AGBL1: variants seen among roughly 807,000 people sequenced by gnomAD.
AGBL1 encodes cytosolic carboxypeptidase 4.
In AGBL1, 130 loss-of-function variants were observed where a neutral mutation model predicts 118.9. The observed-to-expected ratio is 1.09, with a 90% CI of 0.95 to 1.26. The LOEUF is 1.26. Ranked by LOEUF, AGBL1 falls within the 50% of genes most tolerant of loss-of-function variation. The probability of loss-of-function intolerance (pLI) is 0.00; values close to 1 mark genes in which losing one functional copy is unlikely to be tolerated. For missense variants in AGBL1, 1,584 were observed against 1,298.1 expected (o/e 1.22, Z -3.38); for synonymous variants, 555 against 478.9 (o/e 1.16, Z -2.08).
chr15:86,747,193 T>C (rs1463492673), intron 22 of AGBL1, among the ~76,000 whole-genome samples: 1 of 152,024 alleles, frequency 6.6e-6, no homozygotes, highest in Non-Finnish European at 1.5e-5. Context: ...TAGAAATCCA[T>C]GGCCATGAGA....
At chr15:86,250,030 A>G (rs911137386) in intron 7 of AGBL1, among the ~76,000 whole-genome samples, 22 of 152,182 alleles carry the variant, frequency 1.4e-4, no homozygotes, top group African/African-American at 4.6e-4. Context: ...TGCACTTTAT[A>G]GTGAGGTTTC....
intron 17 of AGBL1, among the ~76,000 whole-genome samples, chr15:86,391,001 C>T (rs1022769133): frequency 6.3e-5 from 9 of 142,736 alleles, no homozygotes; most frequent in African/African-American, 1.6e-4. Context: ...TTCCAGAAAA[C>T]GAAGCACTAT....
At chr15:86,405,708 A>G (rs2081517167) in intron 18 of AGBL1, among the ~76,000 whole-genome samples, 1 of 152,220 alleles carries the variant, frequency 6.6e-6, no homozygotes, top group South Asian at 2.1e-4. Flanking sequence ...TTCTAATTAT[A>G]AAAATGATAC....
At chr15:86,618,672 G>A (rs930767719) in intron 21 of AGBL1, among the ~76,000 whole-genome samples, 2 of 152,186 alleles carry the variant, frequency 1.3e-5, no homozygotes, top group African/African-American at 4.8e-5. Context: ...CTAAACCAGA[G>A]AGTGTGGTAA....
At chr15:86,817,488 ACACAGAG>A (rs1195950284) in intron 22 of AGBL1, among the ~76,000 whole-genome samples, 1 of 149,910 alleles carries the variant, frequency 6.7e-6, no homozygotes, top group African/African-American at 2.5e-5. Flanking sequence ...ACACACACAC[ACACAGAG>A]GAGAGAGAGA....
intron 21 of AGBL1, among the ~76,000 whole-genome samples, chr15:86,600,436 G>T (rs973486473): frequency 6.6e-6 from 1 of 152,064 alleles, no homozygotes; most frequent in Non-Finnish European, 1.5e-5. Flanking sequence ...TATCTTAAAG[G>T]TCTTGCAAAA....
chr15:86,650,405 C>G (rs1454647686), intron 21 of AGBL1, among the ~76,000 whole-genome samples: 1 of 152,098 alleles, frequency 6.6e-6, no homozygotes, highest in Non-Finnish European at 1.5e-5. Context: ...GTCTCTGACA[C>G]TATGGGGGAT....
chr15:87,021,591 A>C (rs547480356), intron 24 of AGBL1, among the ~76,000 whole-genome samples: 1 of 152,314 alleles, frequency 6.6e-6, no homozygotes, highest in Admixed American at 6.5e-5. Flanking sequence ...TTTGCAATCT[A>C]TCCATGTGAC....
chr15:86,805,593 T>C (rs1596498349), intron 22 of AGBL1, among the ~76,000 whole-genome samples: 1 of 152,164 alleles, frequency 6.6e-6, no homozygotes, highest in Admixed American at 6.6e-5. Flanking sequence ...TTTGGAATGA[T>C]TTTTAGCTAT....
chr15:86,358,529 C>A (rs2080756427), intron 17 of AGBL1, among the ~76,000 whole-genome samples: 1 of 151,926 alleles, frequency 6.6e-6, no homozygotes, highest in African/African-American at 2.4e-5. Flanking sequence ...ATTTCCTTTC[C>A]TGTGAGTGTA....
chr15:86,814,498 A>G (rs1454811726), intron 22 of AGBL1, among the ~76,000 whole-genome samples: 1 of 152,216 alleles, frequency 6.6e-6, no homozygotes, highest in Non-Finnish European at 1.5e-5. Flanking sequence ...AGATTTACAT[A>G]AAAGCTTGCC....
chr15:86,731,500 A>G (rs980801946), intron 22 of AGBL1, among the ~76,000 whole-genome samples: 3 of 152,208 alleles, frequency 2.0e-5, no homozygotes, highest in Non-Finnish European at 2.9e-5. Context: ...CTGACGGTTC[A>G]GGTGATGATT....
At chr15:86,999,239 CTTTTAAG>C (rs1266754424) in intron 24 of AGBL1, among the ~76,000 whole-genome samples, 1 of 149,158 alleles carries the variant, frequency 6.7e-6, no homozygotes, top group Non-Finnish European at 1.5e-5. Flanking sequence ...TTTTATTATA[CTTTTAAG>C]TTTTAGGGTA....
chr15:86,658,266 T>A (rs923119431), intron 21 of AGBL1, among the ~76,000 whole-genome samples: 3 of 152,120 alleles, frequency 2.0e-5, no homozygotes, highest in Non-Finnish European at 4.4e-5. Flanking sequence ...TTAAAATGAC[T>A]CCTCTGGATT....
At chr15:86,080,252 G>C (rs1487859662) in intron 1 of AGBL1, 6 of 372,858 alleles carry the variant, frequency 1.6e-5, no homozygotes, top group Admixed American at 4.6e-5. Context: ...ATTGATCCTC[G>C]TGGGATCAGA....
At chr15:86,556,157 C>G (rs1318226217) in intron 21 of AGBL1, 1 of 1,379,278 alleles carries the variant, frequency 7.3e-7, no homozygotes, top group South Asian at 1.3e-5. Context: ...ACTCAAAGTT[C>G]TCTGGAGCTG....
chr15:86,444,891 T>G (rs2082103781), intron 18 of AGBL1, among the ~76,000 whole-genome samples: 1 of 152,170 alleles, frequency 6.6e-6, no homozygotes, highest in Admixed American at 6.5e-5. Context: ...TTCACTTAAT[T>G]TGGTTTCCCA....
chr15:86,707,821 T>A (rs567931465), intron 22 of AGBL1, among the ~76,000 whole-genome samples: 1 of 152,106 alleles, frequency 6.6e-6, no homozygotes, highest in Non-Finnish European at 1.5e-5. Context: ...ACTTCCTTTT[T>A]CAATGGAGAT....
chr15:86,253,760 C>T (rs1349839770), intron 7 of AGBL1, among the ~76,000 whole-genome samples: 1 of 152,082 alleles, frequency 6.6e-6, no homozygotes, highest in East Asian at 1.9e-4. Context: ...ATACATGCAA[C>T]CAAATTCACC....
Sources: gnomAD v4.1 joint callset for allele counts (sites outside exome capture counted in the v4.1 genomes callset) on GRCh38, gnomAD v4.1.1 for gene constraint, MANE v1.5 for transcripts, NCBI Gene and HGNC (gene_info 2026-07-23, HGNC 2026-07-21) for gene names.